The following ARHGEF19 variants were observed in gnomAD, a reference collection of about 807,000 sequenced individuals.
ARHGEF19 encodes the protein Rho guanine nucleotide exchange factor (GEF) 19.
Under a neutral mutation model 87.6 loss-of-function variants are expected in ARHGEF19, and 92 were observed. That is an observed-to-expected ratio of 1.05 (90% confidence interval 0.89 to 1.25). The LOEUF is 1.25. Among genes scored for constraint, ARHGEF19 ranks in the 50% most tolerant of loss-of-function variants. The pLI is 0.00. For synonymous variants in ARHGEF19, 438 were observed against 446.2 expected, an observed-to-expected ratio of 0.98 and a Z score of 0.23; for missense variants, 1,054 against 1,051.8, an observed-to-expected ratio of 1.00 and a Z score of -0.03.
Position 16,205,951 on chromosome 1 carries a change from C to A in ARHGEF19, c.1431G>T (p.Glu477Asp). The stretch of plus-strand genomic sequence containing the variant: ...CCTACAGCAGGCGCTGGTAGGTGCG[C>A]TCCTGGTAGGCCTGGTTGGTGACAT... ...LPYVTNQAYQ[E>D]RTYQRLLLEN... Residue 477 changes from glutamate to aspartate, a missense_variant, in exon 8 of 16, where the codon GAG becomes GAT. Transcript: ENST00000270747. The surrounding 1 kb of genome is among the most constrained non-coding windows in gnomAD (Gnocchi z 5.8). 1 of 1,610,830 alleles carries A rather than the reference C, an allele frequency of 6.2e-7. No individual in the cohort carries two copies. The highest frequency in any genetic ancestry group is 8.5e-7 in the Non-Finnish European group (1 of 1,178,618).
Position 16,207,688 on chromosome 1 carries a change from A to T in ARHGEF19, c.784T>A (p.Trp262Arg), listed in dbSNP as rs1384359397. 8 of 1,613,872 alleles carry T rather than the reference A, an allele frequency of 5.0e-6. No individual in the cohort carries two copies. The highest frequency in any genetic ancestry group is 5.9e-6 in the Non-Finnish European group (7 of 1,180,006). Residue 262 changes from tryptophan to arginine, a missense_variant, in exon 4 of 16, where the codon TGG (tryptophan) becomes AGG (arginine). Coordinates refer to ENST00000270747, the MANE Select transcript of ARHGEF19 (RefSeq NM_153213.5). This position sits in a 1 kb window ranked among gnomAD's most constrained non-coding sequence, Gnocchi z 4.0. Reference sequence around the variant, plus strand: ...GGGAGGTGGTACCTGGGCTCGGACCAATCGCCCTCTCGTGAGTCACCAGGG... The same window carrying T: ...GGGAGGTGGTACCTGGGCTCGGACCTATCGCCCTCTCGTGAGTCACCAGGG... Reference protein sequence around the residue: ...PAPGDSREGDWSEPRLDTQEE... With the variant: ...PAPGDSREGDRSEPRLDTQEE...
chr1:16,209,509 C>T (rs1242151770), intron 1 of ARHGEF19, among the ~76,000 whole-genome samples: 1 of 152,198 alleles, frequency 6.6e-6, no homozygotes, highest in Non-Finnish European at 1.5e-5. Context: ...CACACAAATC[C>T]ATTTCCCAAC....
chr1:16,199,344 G>C (rs1024086145), intron 14 of ARHGEF19, 90 bp from the exon 15 acceptor site: 5 of 1,053,606 alleles, frequency 4.7e-6, no homozygotes, highest in Admixed American at 1.9e-5. Flanking sequence ...GTAGGAGGAA[G>C]TAAGGGGGTG....
Position 16,206,988 on chromosome 1 carries a change from A to T in ARHGEF19, c.1097T>A (p.Val366Asp), listed in dbSNP as rs1402144880. 3.0e-5 allele frequency: 45 copies of T among 1,513,936 alleles called. No homozygotes were observed. The highest frequency in any genetic ancestry group is 3.8e-5 in the Non-Finnish European group (43 of 1,135,536). The allele number at this position is 1,513,936 out of a possible 1,614,324, so 93.8% of individuals were successfully genotyped here. Residue 366 changes from valine to aspartate, a missense_variant, in exon 6 of 16, where the codon GTC becomes GAC. Physicochemically the swap from Val to Asp is radical, Grantham distance 152 (BLOSUM62 -3). Coordinates refer to ENST00000270747, the MANE Select transcript of ARHGEF19 (RefSeq NM_153213.5). This position sits in a 1 kb window ranked among gnomAD's most constrained non-coding sequence, Gnocchi z 4.6. ...QDIPDVRGSG[V>D]LATLSLRDCK... ...GTCCCGCAGGCTCAGCGTGGCCAGG[A>T]CGCCGCTGCCGCGTACGTCGGGGAT...
Position 16,207,397 on chromosome 1 carries a change from G to A in ARHGEF19, c.874+125C>T. On this transcript the variant is annotated intron_variant, in intron 5 of 15. Transcript: ENST00000270747. The surrounding 1 kb of genome is among the most constrained non-coding windows in gnomAD (Gnocchi z 4.0). ...GAGCACCTACTGAGTGCTAGATACC[G>A]ACAGTTCCATTCTCCGTTTCTCACT... The A allele has an allele frequency of 2.2e-6, 3 of 1,369,180 alleles. No individual in the cohort carries two copies. Among genetic ancestry groups the A allele is most frequent in the Non-Finnish European group, 3.0e-6 (3 of 1,003,602 alleles). The allele number at this position is 1,369,180 out of a possible 1,614,324, so 84.8% of individuals were successfully genotyped here.
intron 2 of ARHGEF19, 118 bp from the exon 3 acceptor site, chr1:16,208,343 C>A: frequency 7.7e-7 from 1 of 1,306,052 alleles, no homozygotes; most frequent in South Asian, 1.5e-5. Flanking sequence ...AAGGGAAGGG[C>A]CTGTGTTTCT....
intron 13 of ARHGEF19, among the ~76,000 whole-genome samples, chr1:16,202,196 C>G (rs980437416): frequency 6.6e-6 from 1 of 152,244 alleles, no homozygotes; most frequent in Admixed American, 6.5e-5. Flanking sequence ...GTGGCAGCCC[C>G]CTGACACCAC....
In ARHGEF19 at chr1:16,198,488, T is replaced by C; in HGVS notation, c.*99A>G. The C allele has an allele frequency of 1.4e-6, 2 of 1,423,060 alleles. No homozygotes were observed. Among genetic ancestry groups the C allele is most frequent in the Non-Finnish European group, 1.9e-6 (2 of 1,070,174 alleles). 88.2% of individuals were successfully genotyped at this position (1,423,060 alleles called of 1,614,324 possible). On this transcript the variant is annotated 3_prime_UTR_variant, in exon 16 of 16. Coordinates refer to ENST00000270747, the MANE Select transcript of ARHGEF19 (RefSeq NM_153213.5). The surrounding 1 kb of genome is among the most constrained non-coding windows in gnomAD (Gnocchi z 4.1). ...CAATGCCAAGGCCACAGAAGCGAAG[T>C]GCCAGCAGGAGCAGCTTGGGGAATG... is the stretch of plus-strand genomic sequence containing the variant.
Position 16,207,665 on chromosome 1 carries a change from G to C in ARHGEF19, c.797+10C>G. The C allele has an allele frequency of 1.2e-6, 2 of 1,614,120 alleles. No individual in the cohort carries two copies. The highest frequency in any genetic ancestry group is 1.7e-6 in the Non-Finnish European group (2 of 1,180,036). ...CTGTCTCGGACCCAAGCCCAAACGG[G>C]AGGTGGTACCTGGGCTCGGACCAAT... On this transcript the variant is annotated intron_variant, in intron 4 of 15. Coordinates refer to ENST00000270747, the MANE Select transcript of ARHGEF19 (RefSeq NM_153213.5). This position sits in a 1 kb window ranked among gnomAD's most constrained non-coding sequence, Gnocchi z 4.0.
At chr1:16,208,554 C>A (rs375050294) in intron 2 of ARHGEF19, 89 bp downstream of exon 2, 1 of 1,451,776 alleles carries the variant, frequency 6.9e-7, no homozygotes, top group Non-Finnish European at 9.1e-7. Flanking sequence ...TTTGGGGGAA[C>A]CTTGGGACAT....
chr1:16,207,231 G>A lies in ARHGEF19; in HGVS notation c.875-21C>T. ...GACGGCTGGGGGAAAGACGGGCGGG[G>A]GAGAGCGTGGGGCGCCCGCCAGCCC... On this transcript the variant is annotated intron_variant, in intron 5 of 15. Transcript: ENST00000270747. The surrounding 1 kb of genome is among the most constrained non-coding windows in gnomAD (Gnocchi z 4.0). 2 of 1,487,880 alleles carry A rather than the reference G, an allele frequency of 1.3e-6. No individual in the cohort carries two copies. The highest frequency in any genetic ancestry group is 1.8e-6 in the Non-Finnish European group (2 of 1,123,980). 92.2% of individuals were successfully genotyped at this position (1,487,880 alleles called of 1,614,324 possible).
chr1:16,207,814 G>A lies in ARHGEF19; in HGVS notation c.695-37C>T, dbSNP rs754927317. ...GAGAACTGAGGGTGGGGGGTCCAGA[G>A]AGTGGGCCTGGGGCCTGGGCCCCGG... On this transcript the variant is annotated intron_variant, in intron 3 of 15. Coordinates refer to ENST00000270747, the MANE Select transcript of ARHGEF19 (RefSeq NM_153213.5). This position sits in a 1 kb window ranked among gnomAD's most constrained non-coding sequence, Gnocchi z 4.0. The A allele has an allele frequency of 6.2e-7, 1 of 1,610,352 alleles. No individual in the cohort carries two copies. Among genetic ancestry groups the A allele is most frequent in the South Asian group, 1.1e-5 (1 of 90,920 alleles).
At position 16,207,518 on chromosome 1, in the gene ARHGEF19, G is replaced by GT; in HGVS notation, c.874+3dup. 6.2e-7 allele frequency: 1 copy of GT among 1,613,608 alleles called. No homozygotes were observed. The highest frequency in any genetic ancestry group is 8.5e-7 in the Non-Finnish European group (1 of 1,179,832). ...CTCCTCCCAGGGACCCCCCTCCCAC[G>GT]TACAGTTAAGGAGGAATCGAGACTG... On this transcript the variant is annotated splice_donor_region_variant and intron_variant, in intron 5 of 15. Transcript: ENST00000270747. This position sits in a 1 kb window ranked among gnomAD's most constrained non-coding sequence, Gnocchi z 4.0.
chr1:16,207,313 G>A lies in ARHGEF19; in HGVS notation c.875-103C>T. On this transcript the variant is annotated intron_variant, in intron 5 of 15. Transcript: ENST00000270747. The surrounding 1 kb of genome is among the most constrained non-coding windows in gnomAD (Gnocchi z 4.0). Reference sequence around the variant, plus strand: ...CCCGCGTCACTTAACCTTTGCCGCGGTTCGGATATCTGGACACAGTGAATT... The same window carrying A: ...CCCGCGTCACTTAACCTTTGCCGCGATTCGGATATCTGGACACAGTGAATT... The A allele has an allele frequency of 7.0e-7, 1 of 1,426,360 alleles. No homozygotes were observed. The highest frequency in any genetic ancestry group is 9.2e-7 in the Non-Finnish European group (1 of 1,086,942). The allele number at this position is 1,426,360 out of a possible 1,614,324, so 88.4% of individuals were successfully genotyped here.
chr1:16,210,429 A>G (rs1399235885), intron 1 of ARHGEF19, among the ~76,000 whole-genome samples: 1 of 152,248 alleles, frequency 6.6e-6, no homozygotes, highest in African/African-American at 2.4e-5. Context: ...CAGGAAATGA[A>G]GACTGAGAGA....
At chr1:16,202,372 T>C (rs1160417180) in intron 13 of ARHGEF19, 44 bp downstream of exon 13, 2 of 1,554,428 alleles carry the variant, frequency 1.3e-6, no homozygotes, top group Non-Finnish European at 1.7e-6. Context: ...GTGCCTGTCA[T>C]GGGGAGGGGG....
chr1:16,207,257 C>G lies in ARHGEF19; in HGVS notation c.875-47G>C. The G allele has an allele frequency of 6.8e-7, 1 of 1,467,046 alleles. No homozygotes were observed. The highest frequency in any genetic ancestry group is 9.0e-7 in the Non-Finnish European group (1 of 1,114,854). 90.9% of individuals were successfully genotyped at this position (1,467,046 alleles called of 1,614,324 possible). On this transcript the variant is annotated intron_variant, in intron 5 of 15. Coordinates refer to ENST00000270747, the MANE Select transcript of ARHGEF19 (RefSeq NM_153213.5). This position sits in a 1 kb window ranked among gnomAD's most constrained non-coding sequence, Gnocchi z 4.0. Reference sequence around the variant, plus strand: ...GAGAGCGTGGGGCGCCCGCCAGCCCCTGCCCGGCTTTTCCTCGGTTCCCTC... The same window carrying G: ...GAGAGCGTGGGGCGCCCGCCAGCCCGTGCCCGGCTTTTCCTCGGTTCCCTC...
In ARHGEF19 at chr1:16,207,619, C is replaced by T. The variant is rs1454135643; in HGVS notation, c.798-21G>A. The T allele has an allele frequency of 5.6e-6, 9 of 1,613,908 alleles. No homozygotes were observed. The highest frequency in any genetic ancestry group is 2.2e-5 in the East Asian group (1 of 44,878). On this transcript the variant is annotated intron_variant, in intron 4 of 15. Transcript: ENST00000270747. The surrounding 1 kb of genome is among the most constrained non-coding windows in gnomAD (Gnocchi z 4.0). ...CTAGCCTAGGAAAGAGAGAGCGTCA[C>T]GGCCCTAGTTCGCCTGCACCCTGTC...
rs371079379 is a variant in ARHGEF19, at chr1:16,206,041, C to A, written c.1341G>T (p.Leu447=). The A allele has an allele frequency of 3.8e-6, 6 of 1,591,536 alleles. No individual in the cohort carries two copies. The highest frequency in any genetic ancestry group is 5.1e-6 in the Non-Finnish European group (6 of 1,169,158). The change falls in exon 8 of 16, where the codon CTG becomes CTT. Residue 447 remains leucine, a synonymous_variant. Transcript: ENST00000270747. This position sits in a 1 kb window ranked among gnomAD's most constrained non-coding sequence, Gnocchi z 4.6. ...DLEQRLEADV[L]RFSVCDVVLD... is the part of the protein sequence containing the mutation. The stretch of plus-strand genomic sequence containing the variant: ...GCACCACGTCGCACACGCTGAAGCG[C>A]AGCACATCTGCCTCCAGCCGCTGCT...
Sources: gnomAD v4.1 joint callset for allele counts (sites outside exome capture counted in the v4.1 genomes callset) on GRCh38, gnomAD v4.1.1 for gene constraint, Gnocchi (gnomAD v3.1) non-coding constraint, MANE v1.5 for transcripts, NCBI Gene and HGNC (gene_info 2026-07-23, HGNC 2026-07-21) for gene names.